Variants in ZC3H13 observed in about 807,000 individuals in gnomAD.
ZC3H13 encodes the protein zinc finger CCCH-type containing 13.
In ZC3H13, 64 loss-of-function variants were observed where a neutral mutation model predicts 204.1. The ratio of observed to expected loss-of-function variants is 0.31; its 90% CI spans 0.26 to 0.39. The LOEUF is 0.39. Among genes scored for constraint, ZC3H13 ranks in the 10% least tolerant of loss-of-function variants. ZC3H13 has a pLI of 1.00. For synonymous variants in ZC3H13, 667 were observed against 693.7 expected (o/e 0.96, Z 0.60); for missense variants, 1,833 against 2,082.7 (o/e 0.88, Z 2.33).
intron 4 of ZC3H13, among the ~76,000 whole-genome samples, chr13:46,028,820 A>G (rs569502439): frequency 6.6e-6 from 1 of 152,304 alleles, no homozygotes; most frequent in Admixed American, 6.5e-5. Context: ...CCAAAGAGAT[A>G]TTTATAGCAT....
intron 8 of ZC3H13, chr13:46,001,338 A>T (rs1295511317): frequency 6.6e-6 from 1 of 152,226 alleles, no homozygotes; most frequent in Non-Finnish European, 1.5e-5. Flanking sequence ...CTTGGTAATT[A>T]ACTCTTCCTA....
chr13:46,003,632 G>A (rs894614887), intron 7 of ZC3H13, among the ~76,000 whole-genome samples: 2 of 151,924 alleles, frequency 1.3e-5, no homozygotes, highest in African/African-American at 2.4e-5. Flanking sequence ...TACAATGACT[G>A]TTTAAACTGT....
chr13:46,000,382 A>ATGTGCTGCTTCATCTTGCACTTT (rs1172966056), intron 8 of ZC3H13, among the ~76,000 whole-genome samples: 4 of 152,236 alleles, frequency 2.6e-5, no homozygotes, highest in Non-Finnish European at 5.9e-5. Flanking sequence ...CTTCATCAGC[A>ATGTGCTGCTTCATCTTGCACTTT]TGTGCTGCTT....
chr13:46,045,826 G>GATACAGTACA (rs1357642357), intron 1 of ZC3H13, among the ~76,000 whole-genome samples: 1 of 152,114 alleles, frequency 6.6e-6, no homozygotes, highest in Non-Finnish European at 1.5e-5. Flanking sequence ...AACCTCAGAA[G>GATACAGTACA]ATACAGTACA....
chr13:45,992,187 A>T (rs1292684558), intron 8 of ZC3H13, among the ~76,000 whole-genome samples: 3 of 152,196 alleles, frequency 2.0e-5, no homozygotes, highest in Non-Finnish European at 4.4e-5. Context: ...CACATTTTGC[A>T]AGTAGAAATA....
chr13:45,960,335 C>G (rs754169198), intron 17 of ZC3H13, among the ~76,000 whole-genome samples: 1 of 152,170 alleles, frequency 6.6e-6, no homozygotes, highest in Non-Finnish European at 1.5e-5. Context: ...AACTCTAATT[C>G]AGTATACTGC....
At chr13:46,011,914 A>G (rs1262590591) in intron 5 of ZC3H13, among the ~76,000 whole-genome samples, 1 of 152,196 alleles carries the variant, frequency 6.6e-6, no homozygotes, top group East Asian at 1.9e-4. Flanking sequence ...CATGCTGTAT[A>G]CGATGCGACT....
chr13:46,004,357 T>G (rs1220707093), intron 7 of ZC3H13, among the ~76,000 whole-genome samples: 1 of 152,064 alleles, frequency 6.6e-6, no homozygotes, highest in African/African-American at 2.4e-5. Context: ...CTGGCCAACA[T>G]GGTGAAACCC....
At chr13:45,990,989 G>A (rs2039931391) in intron 8 of ZC3H13, among the ~76,000 whole-genome samples, 2 of 152,078 alleles carry the variant, frequency 1.3e-5, no homozygotes, top group Admixed American at 1.3e-4. Flanking sequence ...ATTTTTTATA[G>A]AGACGAGGTC....
intron 13 of ZC3H13, 126 bp from the exon 14 acceptor site, chr13:45,970,097 T>C: frequency 8.2e-7 from 1 of 1,212,640 alleles, no homozygotes; most frequent in Non-Finnish European, 1.1e-6. Flanking sequence ...GGCAGGTGGA[T>C]CATGAGATCA....
intron 3 of ZC3H13, among the ~76,000 whole-genome samples, chr13:46,044,154 C>CA (rs1555303049): frequency 8.1e-5 from 12 of 147,288 alleles, no homozygotes; most frequent in Non-Finnish European, 1.3e-4. Flanking sequence ...TACACTACCC[C>CA]CAAAAAAATC....
chr13:45,985,428 C>T lies in ZC3H13; in HGVS notation c.1589G>A (p.Gly530Asp), dbSNP rs1392419369. 1.9e-6 allele frequency: 3 copies of T among 1,614,084 alleles called. No homozygotes were observed. The highest frequency in any genetic ancestry group is 2.5e-6 in the Non-Finnish European group (3 of 1,180,040). The part of the protein sequence containing the change: ...DTYPEESRSY[G>D]RNHLREESSR... Reference sequence around the variant, plus strand: ...ACTTTCTTCTCTCAAATGGTTTCGGCCATAACTCCGGGATTCTTCTGGATA... The same window carrying T: ...ACTTTCTTCTCTCAAATGGTTTCGGTCATAACTCCGGGATTCTTCTGGATA... The change falls in exon 10 of 19, where the codon GGC becomes GAC. Residue 530 changes from glycine to aspartate, a missense_variant. This residue lies in a region of ZC3H13 where 1,574 missense variants were observed against 1,757.2 expected (regional missense o/e 0.90). Transcript: ENST00000679008.
At chr13:46,015,337 G>A (rs750379704) in intron 5 of ZC3H13, among the ~76,000 whole-genome samples, 1 of 151,832 alleles carries the variant, frequency 6.6e-6, no homozygotes, top group East Asian at 1.9e-4. Flanking sequence ...TAACTAGGCC[G>A]TCTTTTTCTT....
chr13:46,029,051 T>A (rs376891620), intron 4 of ZC3H13, among the ~76,000 whole-genome samples: 2 of 152,062 alleles, frequency 1.3e-5, no homozygotes, highest in East Asian at 3.8e-4. Context: ...TTTATCAGCT[T>A]CTAGCCAGGC....
chr13:46,042,338 T>C, intron 3 of ZC3H13, 63 bp from the exon 4 acceptor site: 2 of 1,075,108 alleles, frequency 1.9e-6, no homozygotes, highest in South Asian at 1.5e-5. Context: ...TCTGTATTTA[T>C]ATATTAATAA....
At chr13:46,003,996 A>C (rs1295796570) in intron 7 of ZC3H13, among the ~76,000 whole-genome samples, 1 of 152,240 alleles carries the variant, frequency 6.6e-6, no homozygotes, top group Non-Finnish European at 1.5e-5. Flanking sequence ...GACAAATGAG[A>C]CTAAATCAAA....
intron 7 of ZC3H13, among the ~76,000 whole-genome samples, chr13:46,005,220 T>C (rs979117993): frequency 6.6e-6 from 1 of 152,206 alleles, no homozygotes; most frequent in South Asian, 2.1e-4. Flanking sequence ...CAGCACTAAA[T>C]GGACTGTTTC....
At chr13:46,048,540 C>T (rs2139245278) in intron 1 of ZC3H13, among the ~76,000 whole-genome samples, 1 of 127,846 alleles carries the variant, frequency 7.8e-6, no homozygotes, top group East Asian at 2.5e-4. Context: ...GAGATTGCGC[C>T]ACTGCACTCC....
chr13:45,967,577 T>A lies in ZC3H13; in HGVS notation c.4248A>T (p.Arg1416Ser), dbSNP rs1566154314. The A allele has an allele frequency of 6.2e-7, 1 of 1,612,050 alleles. No homozygotes were observed. The highest frequency in any genetic ancestry group is 8.5e-7 in the Non-Finnish European group (1 of 1,179,198). ...SRDSLALDKE[R>S]MDKDLGSVQG... ...GCACAGATCCCAGATCTTTATCCAT[T>A]CTCTCTTTATCCAAGGCTAGAGAGT... is the stretch of plus-strand genomic sequence containing the variant. Residue 1416 changes from arginine to serine, a missense_variant, in exon 15 of 19, where the codon AGA becomes AGT. Around this residue, in one of 5 missense-constraint regions of ZC3H13, gnomAD observed 1,574 missense variants for 1,757.2 expected, o/e 0.90. Coordinates refer to ENST00000679008, the MANE Select transcript of ZC3H13 (RefSeq NM_001330564.2).
Sources: allele counts gnomAD v4.1 joint callset (sites outside exome capture counted in the v4.1 genomes callset), GRCh38; gene constraint gnomAD v4.1.1; regional missense constraint gnomAD v4.1.1; transcripts MANE v1.5; gene names NCBI Gene and HGNC (gene_info 2026-07-23, HGNC 2026-07-21).